The following TRIM35 variants were observed in gnomAD, a reference collection of about 807,000 sequenced individuals.
TRIM35 encodes the protein E3 ubiquitin-protein ligase TRIM35.
A neutral mutation model predicts 49.1 loss-of-function variants in TRIM35; 37 were observed. The ratio of observed to expected loss-of-function variants is 0.75; its 90% CI spans 0.58 to 0.99. The LOEUF (loss-of-function observed/expected upper bound fraction) is 0.99, where lower values mean the gene tolerates loss of function less well. Ranked by LOEUF, TRIM35 falls within the 50% of genes least tolerant of loss-of-function variation. The probability of loss-of-function intolerance (pLI) is 0.00; values close to 1 mark genes in which losing one functional copy is unlikely to be tolerated. For missense variants in TRIM35, 648 were observed against 702.7 expected (o/e 0.92, Z 0.88); for synonymous variants, 302 against 289.3 (o/e 1.04, Z -0.45).
chr8:27,292,873 TAA>T (rs1022764833), intron 3 of TRIM35, among the ~76,000 whole-genome samples: 12 of 152,046 alleles, frequency 7.9e-5, no homozygotes, highest in Admixed American at 3.9e-4. Flanking sequence ...TAATAAAAAA[TAA>T]AAAAGAGTCA....
chr8:27,309,556 G>A (rs543156575), intron 1 of TRIM35, among the ~76,000 whole-genome samples: 1 of 152,296 alleles, frequency 6.6e-6, no homozygotes, highest in East Asian at 1.9e-4. Context: ...AGGCACAGGG[G>A]ACTCGGGCAG....
intron 1 of TRIM35, among the ~76,000 whole-genome samples, chr8:27,301,787 C>A (rs1802687878): frequency 6.6e-6 from 1 of 152,180 alleles, no homozygotes; most frequent in South Asian, 2.1e-4. Context: ...TATAGCTTTG[C>A]ATTATTATTG....
At chr8:27,302,977 G>A (rs1307741980) in intron 1 of TRIM35, among the ~76,000 whole-genome samples, 1 of 152,170 alleles carries the variant, frequency 6.6e-6, no homozygotes, top group East Asian at 1.9e-4. Context: ...GAATAGAGTT[G>A]GTCATAATGC....
chr8:27,310,227 T>A (rs1586060509), intron 1 of TRIM35, among the ~76,000 whole-genome samples: 1 of 152,268 alleles, frequency 6.6e-6, no homozygotes, highest in East Asian at 1.9e-4. Context: ...TGCTCCTGGG[T>A]TTATGTATAG....
At chr8:27,297,606 G>A (rs537574587) in intron 2 of TRIM35, among the ~76,000 whole-genome samples, 1 of 152,308 alleles carries the variant, frequency 6.6e-6, no homozygotes, top group East Asian at 1.9e-4. Flanking sequence ...GGGATAAAAA[G>A]CAAATAGAAA....
chr8:27,298,495 C>A lies in TRIM35; in HGVS notation c.500G>T (p.Arg167Leu). ...GTGCTTGGCGATGGCCTCATAGGAG[C>A]GCCGCATGGCCCAGAAGGCCTTGGC... is the stretch of plus-strand genomic sequence containing the variant. ...EKAKAFWAMR[R>L]SYEAIAKHNQ... The change falls in exon 2 of 6, where the codon CGC becomes CTC. Residue 167 changes from arginine to leucine, a missense_variant. Arg to Leu is a moderately radical substitution (Grantham distance 102). Coordinates refer to ENST00000305364, the MANE Select transcript of TRIM35 (RefSeq NM_171982.5). 1 of 1,614,252 alleles carries A rather than the reference C, an allele frequency of 6.2e-7. No individual in the cohort carries two copies. The highest frequency in any genetic ancestry group is 8.5e-7 in the Non-Finnish European group (1 of 1,180,042).
rs1354706928 is a variant in TRIM35 at position 27,287,428 on chromosome 8, G to A, written c.*122C>T. Reference sequence around the variant, plus strand: ...GGAGTCATGGAAAAGGACCAGGCAGGACAGGAGGAAGAGCCTGGCAAGGAG... The same window carrying A: ...GGAGTCATGGAAAAGGACCAGGCAGAACAGGAGGAAGAGCCTGGCAAGGAG... On this transcript the variant is annotated 3_prime_UTR_variant, in exon 6 of 6. Coordinates refer to ENST00000305364, the MANE Select transcript of TRIM35 (RefSeq NM_171982.5). The surrounding 1 kb of genome is among the most constrained non-coding windows in gnomAD (Gnocchi z 6.0). 4 of 1,056,122 alleles carry A rather than the reference G, an allele frequency of 3.8e-6. No individual in the cohort carries two copies. Among genetic ancestry groups the A allele is most frequent in the African/African-American group, 3.2e-5 (2 of 62,112 alleles). The allele number at this position is 1,056,122 out of a possible 1,614,324, so 65.4% of individuals were successfully genotyped here. A position where few individuals can be genotyped will look rare whatever the true frequency, so the allele number is the denominator to read the frequency against.
chr8:27,306,531 G>A (rs1301796448), intron 1 of TRIM35, among the ~76,000 whole-genome samples: 1 of 151,952 alleles, frequency 6.6e-6, no homozygotes. Flanking sequence ...TCACCATACT[G>A]GCCAGGCTGG....
rs1328247419 is a variant in TRIM35, at chr8:27,303,072, T to C, written c.436-4513A>G. 2.0e-5 allele frequency among the ~76,000 whole-genome samples: 3 copies of C among 152,358 alleles called. No homozygotes were observed. The East Asian group carries it at 5.8e-4, about 29-fold the overall frequency. ...TGATATTTGCTGTAAGTTTTTTTGC[T>C]AGATATACTTAATCAAACTAATGAA... On this transcript the variant is annotated intron_variant, in intron 1 of 5. Transcript: ENST00000305364.
chr8:27,294,820 T>C (rs1270704210), intron 2 of TRIM35, among the ~76,000 whole-genome samples: 2 of 106,982 alleles, frequency 1.9e-5, no homozygotes, highest in Non-Finnish European at 3.9e-5. Context: ...CACAAAAAGT[T>C]TGTTTTTTTT....
chr8:27,302,323 T>C (rs1802696791), intron 1 of TRIM35, among the ~76,000 whole-genome samples: 1 of 152,214 alleles, frequency 6.6e-6, no homozygotes, highest in South Asian at 2.1e-4. Flanking sequence ...CTCAACGAAG[T>C]ATATTTTTCC....
Position 27,298,494 on chromosome 8 carries a change from G to A in TRIM35, c.501C>T (p.Arg167=), listed in dbSNP as rs1456761977. 6.2e-7 allele frequency: 1 copy of A among 1,614,158 alleles called. No individual in the cohort carries two copies. Among genetic ancestry groups the A allele is most frequent in the African/African-American group, 1.3e-5 (1 of 74,960 alleles). ...EKAKAFWAMR[R]SYEAIAKHNQ... ...TGTGCTTGGCGATGGCCTCATAGGA[G>A]CGCCGCATGGCCCAGAAGGCCTTGG... The change falls in exon 2 of 6, where the codon CGC becomes CGT. Residue 167 remains arginine (R), a synonymous_variant. Transcript: ENST00000305364.
At chr8:27,293,866 A>T (rs1397722013) in intron 3 of TRIM35, among the ~76,000 whole-genome samples, 1 of 152,028 alleles carries the variant, frequency 6.6e-6, no homozygotes, top group African/African-American at 2.4e-5. Flanking sequence ...AAAAAAGAAG[A>T]GCGAGGAAGA....
intron 1 of TRIM35, among the ~76,000 whole-genome samples, chr8:27,308,625 G>A (rs1440972864): frequency 2.0e-5 from 3 of 152,172 alleles, no homozygotes; most frequent in Non-Finnish European, 2.9e-5. Flanking sequence ...CTGCTCAAAT[G>A]AGAATTCCAT....
At position 27,287,619 on chromosome 8, in the gene TRIM35, GC is replaced by G; in HGVS notation, c.1412del (p.Gly471AlafsTer126). 1 of 1,607,102 alleles carries G rather than the reference GC, an allele frequency of 6.2e-7. No homozygotes were observed. The highest frequency in any genetic ancestry group is 8.5e-7 in the Non-Finnish European group (1 of 1,176,806). ...TGCGCAAAGGCTCTGGAGGCCCGGC[GC>G]CCCGTGCACCCCCCAGGTAGAAGTA... ...RPYFYLGGAR[G>X]AGPPEPLRIC... On this transcript the variant is annotated frameshift_variant, in exon 6 of 6. Transcript: ENST00000305364. LOFTEE classifies it high-confidence loss of function. This position sits in a 1 kb window ranked among gnomAD's most constrained non-coding sequence, Gnocchi z 6.0.
chr8:27,310,817 G>A lies in TRIM35; in HGVS notation c.419C>T (p.Thr140Ile), dbSNP rs754818557. Reference protein sequence around the residue: ...QGHRVQPVKDTAHDFRAKCRN... With the variant: ...QGHRVQPVKDIAHDFRAKCRN... ...TGCTCTTACCCGAAAGTCGTGGGCA[G>A]TGTCCTTCACCGGCTGCACGCGGTG... is the stretch of plus-strand genomic sequence containing the variant. The change falls in exon 1 of 6, where the codon ACT (threonine) becomes ATT (isoleucine). Residue 140 changes from threonine to isoleucine, a missense_variant. By Grantham distance (89) the Thr-to-Ile change is moderately conservative. Coordinates refer to ENST00000305364, the MANE Select transcript of TRIM35 (RefSeq NM_171982.5). 1.9e-6 allele frequency: 3 copies of A among 1,600,324 alleles called. No individual in the cohort carries two copies. The South Asian group carries it at 3.3e-5, about 18-fold the overall frequency.
intron 2 of TRIM35, among the ~76,000 whole-genome samples, chr8:27,298,028 G>A (rs1203334283): frequency 6.6e-6 from 1 of 152,230 alleles, no homozygotes; most frequent in East Asian, 1.9e-4. Context: ...GAGGCCCAGT[G>A]AGAGATGATG....
chr8:27,290,370 A>G (rs1019207291), intron 3 of TRIM35, among the ~76,000 whole-genome samples, 192 bp from the exon 4 acceptor site: 1 of 152,186 alleles, frequency 6.6e-6, no homozygotes. Context: ...TGAATCCCCA[A>G]TGCGACAGTG....
chr8:27,293,240 A>G (rs2130272794), intron 3 of TRIM35, among the ~76,000 whole-genome samples: 1 of 152,132 alleles, frequency 6.6e-6, no homozygotes, highest in East Asian at 1.9e-4. Context: ...TTCCAGGTAC[A>G]AGAGACACCT....
Sources: gnomAD v4.1 joint callset for allele counts (sites outside exome capture counted in the v4.1 genomes callset) on GRCh38, gnomAD v4.1.1 for gene constraint, Gnocchi (gnomAD v3.1) non-coding constraint, MANE v1.5 for transcripts, NCBI Gene and HGNC (gene_info 2026-07-23, HGNC 2026-07-21) for gene names.